Variants in DHX15 observed in about 807,000 individuals in gnomAD.
The protein encoded by DHX15 is DEAH-box helicase 15.
A neutral mutation model predicts 94.4 loss-of-function variants in DHX15; 11 were observed. The ratio of observed to expected loss-of-function variants is 0.12; its 90% CI spans 0.07 to 0.19. The LOEUF (loss-of-function observed/expected upper bound fraction) is 0.19. Ranked by LOEUF, DHX15 falls within the 10% of genes least tolerant of loss-of-function variation. The pLI, the probability that DHX15 is intolerant of heterozygous loss-of-function variation, is 1.00. For synonymous variants in DHX15, 338 were observed against 329.9 expected (o/e 1.02, Z -0.27); for missense variants, 304 against 988.5 (o/e 0.31, Z 9.29).
At chr4:24,560,989 G>A (rs1335260864) in intron 3 of DHX15, among the ~76,000 whole-genome samples, 1 of 152,310 alleles carries the variant, frequency 6.6e-6, no homozygotes, top group Non-Finnish European at 1.5e-5. Context: ...TTACTGGTGA[G>A]AGTATATAAA....
At chr4:24,550,190 TGTGA>T (rs1261629312) in intron 5 of DHX15, among the ~76,000 whole-genome samples, 7 of 149,806 alleles carry the variant, frequency 4.7e-5, no homozygotes, top group Admixed American at 2.0e-4. Flanking sequence ...TGAAAGTTGC[TGTGA>T]GTGAGTGAGT....
chr4:24,542,477 A>AT (rs1220914139), intron 7 of DHX15, among the ~76,000 whole-genome samples: 1 of 152,196 alleles, frequency 6.6e-6, no homozygotes, highest in Non-Finnish European at 1.5e-5. Flanking sequence ...AATAAAACGT[A>AT]TTTATTGAAT....
chr4:24,575,915 A>C (rs1228776895), intron 2 of DHX15, among the ~76,000 whole-genome samples: 1 of 152,172 alleles, frequency 6.6e-6, no homozygotes, highest in Non-Finnish European at 1.5e-5. Flanking sequence ...AACGACAAAA[A>C]TCTACCCCAG....
chr4:24,559,387 A>AAAAAG (rs1721814125), intron 3 of DHX15, among the ~76,000 whole-genome samples: 3 of 148,882 alleles, frequency 2.0e-5, no homozygotes, highest in Non-Finnish European at 3.0e-5. Flanking sequence ...AAAAAAAAAA[A>AAAAAG]AAAAAAAAAG....
intron 7 of DHX15, 111 bp from the exon 8 acceptor site, chr4:24,542,133 G>A (rs1303861345): frequency 7.7e-6 from 7 of 914,746 alleles, no homozygotes; most frequent in East Asian, 5.5e-5. Context: ...AAGAAATATC[G>A]ATAGCCATAA....
At chr4:24,549,158 C>T (rs1168374930) in intron 5 of DHX15, 136 bp from the exon 6 acceptor site, 1 of 662,180 alleles carries the variant, frequency 1.5e-6, no homozygotes, top group East Asian at 3.0e-5. Context: ...AATTTAGTAA[C>T]CAAAACTAAT....
At chr4:24,556,190 C>T (rs1721734984) in intron 4 of DHX15, 61 bp downstream of exon 4, 1 of 1,437,528 alleles carries the variant, frequency 7.0e-7, no homozygotes, top group Admixed American at 1.8e-5. Flanking sequence ...AGTATGTATT[C>T]CCCATTTTTA....
chr4:24,563,982 G>A (rs1433201630), intron 3 of DHX15, among the ~76,000 whole-genome samples: 1 of 150,594 alleles, frequency 6.6e-6, no homozygotes, highest in Non-Finnish European at 1.5e-5. Context: ...CAGGAGAATG[G>A]TGTGAACCTG....
Position 24,584,553 on chromosome 4 carries a change from A to C in DHX15, c.-160T>G. Reference sequence around the variant, plus strand: ...AACAGCTAAAATGGCGGCGGCGACGAGGGCTGGGCCTGCGCGCGCGCGCGC... The same window carrying C: ...AACAGCTAAAATGGCGGCGGCGACGCGGGCTGGGCCTGCGCGCGCGCGCGC... On this transcript the variant is annotated 5_prime_UTR_variant, in exon 1 of 14. Transcript: ENST00000336812. 1.5e-6 allele frequency: 1 copy of C among 682,338 alleles called. No homozygotes were observed. The highest frequency in any genetic ancestry group is 2.3e-6 in the Non-Finnish European group (1 of 437,370). 42.3% of individuals were successfully genotyped at this position (682,338 alleles called of 1,614,324 possible). A position where few individuals can be genotyped will look rare whatever the true frequency, so the allele number is the denominator to read the frequency against.
At chr4:24,532,648 C>T (rs1422830091) in intron 12 of DHX15, among the ~76,000 whole-genome samples, 1 of 152,194 alleles carries the variant, frequency 6.6e-6, no homozygotes, top group Non-Finnish European at 1.5e-5. Flanking sequence ...AACTAGACTA[C>T]CTTAGCCATT....
intron 12 of DHX15, among the ~76,000 whole-genome samples, chr4:24,531,165 T>C (rs1279766776): frequency 2.0e-5 from 3 of 151,876 alleles, no homozygotes; most frequent in African/African-American, 4.8e-5. Context: ...CTCGGCTCAC[T>C]GCAAGCTCTG....
At chr4:24,528,554 C>T (rs1369581332) in intron 13 of DHX15, among the ~76,000 whole-genome samples, 2 of 152,042 alleles carry the variant, frequency 1.3e-5, no homozygotes, top group East Asian at 1.9e-4. Flanking sequence ...TGGTAATGTC[C>T]TACACAATTT....
At chr4:24,559,042 T>C (rs1009328038) in intron 3 of DHX15, among the ~76,000 whole-genome samples, 1 of 152,162 alleles carries the variant, frequency 6.6e-6, no homozygotes, top group Non-Finnish European at 1.5e-5. Context: ...AATAGGGTCT[T>C]TGCAGAAGTA....
intron 1 of DHX15, among the ~76,000 whole-genome samples, chr4:24,578,573 T>G (rs562107521): frequency 6.6e-6 from 1 of 152,206 alleles, no homozygotes; most frequent in East Asian, 1.9e-4. Flanking sequence ...ACAACTTCCT[T>G]TTTTTTGAGA....
chr4:24,529,358 C>G (rs1175186816), intron 13 of DHX15, among the ~76,000 whole-genome samples: 1 of 152,144 alleles, frequency 6.6e-6, no homozygotes, highest in Non-Finnish European at 1.5e-5. Context: ...ACTTTTCATG[C>G]TATTCAAATG....
chr4:24,528,909 A>G (rs1721019122), intron 13 of DHX15, among the ~76,000 whole-genome samples: 1 of 151,028 alleles, frequency 6.6e-6, no homozygotes. Flanking sequence ...AAAACAAAAC[A>G]AAACAAAAAA....
At chr4:24,565,446 T>C (rs910263272) in intron 3 of DHX15, among the ~76,000 whole-genome samples, 2 of 152,256 alleles carry the variant, frequency 1.3e-5, no homozygotes, top group Non-Finnish European at 1.5e-5. Flanking sequence ...ACCTAACTTA[T>C]GTGCTACACA....
At chr4:24,543,649 G>A (rs527692193) in intron 6 of DHX15, among the ~76,000 whole-genome samples, 8 of 152,044 alleles carry the variant, frequency 5.3e-5, no homozygotes, top group African/African-American at 1.2e-4. Context: ...CTTTATTGAC[G>A]GAAAATGTTT....
chr4:24,571,084 G>C (rs896772608), intron 2 of DHX15, among the ~76,000 whole-genome samples: 3 of 152,142 alleles, frequency 2.0e-5, no homozygotes, highest in African/African-American at 7.2e-5. Flanking sequence ...GAATACACTC[G>C]ACAGTGTGAC....
Sources: allele counts gnomAD v4.1 joint callset (sites outside exome capture counted in the v4.1 genomes callset), GRCh38; gene constraint gnomAD v4.1.1; transcripts MANE v1.5; gene names NCBI Gene and HGNC (gene_info 2026-07-23, HGNC 2026-07-21).